Variants in ERBB4 observed in about 807,000 individuals in gnomAD.
ERBB4 encodes erb-b2 receptor tyrosine kinase 4, also known as receptor tyrosine-protein kinase erbB-4.
ERBB4 carries 42 observed loss-of-function variants against 158.0 expected under a neutral mutation model. That is an observed-to-expected ratio of 0.27 (90% confidence interval 0.21 to 0.34). ERBB4 has a LOEUF of 0.34. Among genes scored for constraint, ERBB4 ranks in the 10% least tolerant of loss-of-function variants. The probability of loss-of-function intolerance (pLI) is 1.00; values close to 1 mark genes in which losing one functional copy is unlikely to be tolerated. For missense variants in ERBB4, 1,333 were observed against 1,624.1 expected, an observed-to-expected ratio of 0.82 and a Z score of 3.08; for synonymous variants, 583 against 558.7, an observed-to-expected ratio of 1.04 and a Z score of -0.61.
At chr2:212,071,114 C>A (rs540307233) in intron 2 of ERBB4, among the ~76,000 whole-genome samples, 3 of 151,952 alleles carry the variant, frequency 2.0e-5, no homozygotes, top group African/African-American at 7.2e-5. Flanking sequence ...GGGGGTGTTA[C>A]AAAATAATAC....
chr2:211,662,403 AT>A (rs1345121421), intron 15 of ERBB4, among the ~76,000 whole-genome samples: 1 of 152,180 alleles, frequency 6.6e-6, no homozygotes, highest in African/African-American at 2.4e-5. Context: ...CTTGCTTATC[AT>A]TTCAAAATAC....
intron 1 of ERBB4, among the ~76,000 whole-genome samples, chr2:212,290,879 TG>T (rs1378329700): frequency 6.6e-6 from 1 of 152,126 alleles, no homozygotes; most frequent in Non-Finnish European, 1.5e-5. Context: ...CTATTCTCAT[TG>T]GGCTTATAGT....
intron 1 of ERBB4, among the ~76,000 whole-genome samples, chr2:212,509,316 C>T (rs1560513172): frequency 1.3e-5 from 2 of 151,920 alleles, no homozygotes. Context: ...CCCATTATGA[C>T]TCTTGTGTCC....
chr2:211,845,857 C>T lies in ERBB4; in HGVS notation c.422-57698G>A, dbSNP rs10172657. ...AAGGTACAATAGCTATGCTAATTTG[C>T]TAGCCCTTTTGTTGTCTGGTTATCA... is the stretch of plus-strand genomic sequence containing the variant. On this transcript the variant is annotated intron_variant, in intron 3 of 27. Transcript: ENST00000342788. Among the ~76,000 whole-genome samples, 470 of 152,196 alleles carry T rather than the reference C, an allele frequency of 3.1e-3. 2 individuals are homozygous for T. The highest frequency in any genetic ancestry group is 0.011 in the African/African-American group (453 of 41,520).
At chr2:212,036,689 C>T (rs1053346980) in intron 2 of ERBB4, among the ~76,000 whole-genome samples, 6 of 152,162 alleles carry the variant, frequency 3.9e-5, no homozygotes, top group African/African-American at 1.2e-4. Flanking sequence ...TGCTCTTGAT[C>T]TCCTGACCTC....
At chr2:211,729,049 A>G (rs2074356449) in intron 5 of ERBB4, among the ~76,000 whole-genome samples, 1 of 151,818 alleles carries the variant, frequency 6.6e-6, no homozygotes, top group Non-Finnish European at 1.5e-5. Context: ...ATTCAATAGC[A>G]ATTATTATAC....
chr2:212,165,761 T>C (rs1423159510), intron 1 of ERBB4, among the ~76,000 whole-genome samples: 2 of 152,144 alleles, frequency 1.3e-5, no homozygotes, highest in East Asian at 3.9e-4. Flanking sequence ...TGCACACCTT[T>C]TAACTGCTTG....
At chr2:211,971,436 C>A (rs1467951023) in intron 2 of ERBB4, among the ~76,000 whole-genome samples, 1 of 152,020 alleles carries the variant, frequency 6.6e-6, no homozygotes, top group Non-Finnish European at 1.5e-5. Context: ...GCAAAACAAG[C>A]CCAGGACCAG....
intron 2 of ERBB4, among the ~76,000 whole-genome samples, chr2:211,992,561 GAGAGAGAAAA>G (rs1045749363): frequency 1.6e-5 from 1 of 63,040 alleles, no homozygotes; most frequent in African/African-American, 3.2e-5. Flanking sequence ...GAGAGAGAGA[GAGAGAGAAAA>G]AAAAAAAAAA....
chr2:211,921,915 G>T (rs527576385), intron 3 of ERBB4, among the ~76,000 whole-genome samples: 1 of 152,192 alleles, frequency 6.6e-6, no homozygotes, highest in African/African-American at 2.4e-5. Context: ...CTATTAGCTG[G>T]ATGGTAGTTG....
intron 19 of ERBB4, among the ~76,000 whole-genome samples, chr2:211,616,244 C>T (rs943515916): frequency 3.3e-5 from 5 of 152,084 alleles, no homozygotes; most frequent in Admixed American, 6.6e-5. Flanking sequence ...ATGTCCTACA[C>T]TGGCTGCCAG....
rs117115541 is a variant in ERBB4 at position 211,835,792 on chromosome 2, T to G, written c.422-47633A>C. On this transcript the variant is annotated intron_variant, in intron 3 of 27. Coordinates refer to ENST00000342788, the MANE Select transcript of ERBB4 (RefSeq NM_005235.3). Reference sequence around the variant, plus strand: ...AGTACCGTGAAGTAGGTCATGATCATATTAAATGAGAATACAAGCAAATAT... The same window carrying G: ...AGTACCGTGAAGTAGGTCATGATCAGATTAAATGAGAATACAAGCAAATAT... Among the ~76,000 whole-genome samples the G allele has an allele frequency of 8.5e-4, 129 of 152,142 alleles. No homozygotes were observed. In the East Asian group the frequency reaches 0.023, roughly 28 times the overall value.
At chr2:211,650,671 G>A (rs971147497) in intron 16 of ERBB4, among the ~76,000 whole-genome samples, 3 of 151,968 alleles carry the variant, frequency 2.0e-5, no homozygotes, top group Middle Eastern at 3.2e-3. Flanking sequence ...CATGATGACT[G>A]GGCTGGAGCA....
At chr2:211,849,609 TC>T (rs1420399209) in intron 3 of ERBB4, among the ~76,000 whole-genome samples, 1 of 152,006 alleles carries the variant, frequency 6.6e-6, no homozygotes, top group Non-Finnish European at 1.5e-5. Context: ...TAAATGTACT[TC>T]TTACTATTGT....
At chr2:212,238,603 ATATAT>A (rs2083967306) in intron 1 of ERBB4, among the ~76,000 whole-genome samples, 2 of 152,188 alleles carry the variant, frequency 1.3e-5, no homozygotes, top group Admixed American at 6.5e-5. Flanking sequence ...ATTGAAAACT[ATATAT>A]TATATTAAAA....
intron 1 of ERBB4, among the ~76,000 whole-genome samples, chr2:212,462,189 A>G (rs1244476882): frequency 1.3e-5 from 2 of 152,198 alleles, no homozygotes; most frequent in African/African-American, 4.8e-5. Flanking sequence ...ACTTCAAGAC[A>G]TTGGTCTGGG....
intron 1 of ERBB4, among the ~76,000 whole-genome samples, chr2:212,407,496 G>C (rs1262943760): frequency 2.0e-5 from 3 of 152,024 alleles, no homozygotes; most frequent in African/African-American, 7.2e-5. Flanking sequence ...GCCAGGGTTT[G>C]ATCCCAAGCA....
chr2:211,661,418 G>C (rs1009337705), intron 15 of ERBB4, among the ~76,000 whole-genome samples: 9 of 152,034 alleles, frequency 5.9e-5, no homozygotes, highest in Non-Finnish European at 1.2e-4. Context: ...GTGTTTCAAA[G>C]TGGAATACTT....
intron 8 of ERBB4, among the ~76,000 whole-genome samples, chr2:211,712,689 A>G (rs2073745584): frequency 6.6e-6 from 1 of 152,114 alleles, no homozygotes; most frequent in African/African-American, 2.4e-5. Context: ...ACCAAAATCA[A>G]GGGCCATTCA....
Sources: allele counts gnomAD v4.1 joint callset (sites outside exome capture counted in the v4.1 genomes callset), GRCh38; gene constraint gnomAD v4.1.1; transcripts MANE v1.5; gene names NCBI Gene and HGNC (gene_info 2026-07-23, HGNC 2026-07-21).